PLCXD3: variants seen among roughly 807,000 people sequenced by gnomAD.
PLCXD3 encodes the protein PI-PLC X domain-containing protein 3.
In PLCXD3, 19 loss-of-function variants were observed where a neutral mutation model predicts 25.5. The ratio of observed to expected loss-of-function variants is 0.75; its 90% confidence interval spans 0.52 to 1.09. The LOEUF (loss-of-function observed/expected upper bound fraction) is 1.09, where lower values mean the gene tolerates loss of function less well. Among genes scored for constraint, PLCXD3 ranks in the 50% least tolerant of loss-of-function variants. The pLI, the probability that PLCXD3 is intolerant of heterozygous loss-of-function variation, is 0.00. For missense variants in PLCXD3, 411 were observed against 388.1 expected, an observed-to-expected ratio of 1.06 and a Z score of -0.50; for synonymous variants, 174 against 137.6, an observed-to-expected ratio of 1.26 and a Z score of -1.85.
At chr5:41,362,855 C>A (rs1005365590) in intron 2 of PLCXD3, among the ~76,000 whole-genome samples, 2 of 144,356 alleles carry the variant, frequency 1.4e-5, no homozygotes, top group Non-Finnish European at 3.0e-5. Flanking sequence ...TAATCAACTA[C>A]CAGTAACAAG....
rs565057715 is a variant in PLCXD3, at chr5:41,411,779, G to A, written c.104-29245C>T. On this transcript the variant is annotated intron_variant, in intron 1 of 2. Transcript: ENST00000377801. Reference sequence around the variant, plus strand: ...TATAATTTATAATATTTTTATAATAGTTTTGGTCATATAGAGTATTGATCA... The same window carrying A: ...TATAATTTATAATATTTTTATAATAATTTTGGTCATATAGAGTATTGATCA... 1.5e-4 allele frequency among the ~76,000 whole-genome samples: 23 copies of A among 148,392 alleles called. No individual in the cohort carries two copies. In the East Asian group the frequency reaches 4.1e-3, roughly 27 times the overall value.
chr5:41,377,857 A>C (rs1464768934), intron 2 of PLCXD3, among the ~76,000 whole-genome samples: 1 of 152,110 alleles, frequency 6.6e-6, no homozygotes, highest in African/African-American at 2.4e-5. Flanking sequence ...TTGGAACTGT[A>C]GGATTTACAA....
At chr5:41,475,425 C>T (rs1359133476) in intron 1 of PLCXD3, among the ~76,000 whole-genome samples, 1 of 152,194 alleles carries the variant, frequency 6.6e-6, no homozygotes, top group Non-Finnish European at 1.5e-5. Flanking sequence ...TTGCTAGTCT[C>T]TGCTAGTCTT....
chr5:41,376,692 C>G (rs768474347), intron 2 of PLCXD3, among the ~76,000 whole-genome samples: 33 of 152,256 alleles, frequency 2.2e-4, no homozygotes, highest in Non-Finnish European at 3.8e-4. Flanking sequence ...TCTCTCTCCT[C>G]TAAGTTACCA....
intron 2 of PLCXD3, among the ~76,000 whole-genome samples, chr5:41,327,105 C>A (rs532139464): frequency 1.2e-4 from 18 of 152,008 alleles, no homozygotes; most frequent in Non-Finnish European, 2.5e-4. Context: ...TGCCTAGGCC[C>A]TCTTAAGATA....
At chr5:41,439,059 G>T (rs914824847) in intron 1 of PLCXD3, among the ~76,000 whole-genome samples, 1 of 152,098 alleles carries the variant, frequency 6.6e-6, no homozygotes, top group Non-Finnish European at 1.5e-5. Context: ...CGTAGTTTAC[G>T]GTGGAGCTCA....
intron 2 of PLCXD3, among the ~76,000 whole-genome samples, chr5:41,351,550 C>T (rs1163660848): frequency 1.3e-5 from 2 of 152,130 alleles, no homozygotes; most frequent in African/African-American, 4.8e-5. Context: ...AAAAAAACCG[C>T]TGAACTGAAA....
intron 2 of PLCXD3, among the ~76,000 whole-genome samples, chr5:41,318,113 G>A (rs1202018638): frequency 3.3e-5 from 5 of 152,072 alleles, no homozygotes; most frequent in Non-Finnish European, 7.4e-5. Flanking sequence ...AAACATGAAG[G>A]AGAAATAGAC....
At chr5:41,369,062 A>G (rs375593751) in intron 2 of PLCXD3, among the ~76,000 whole-genome samples, 1 of 152,168 alleles carries the variant, frequency 6.6e-6, no homozygotes, top group East Asian at 1.9e-4. Context: ...AAGTATATGT[A>G]TACAGTGGCA....
rs947395865 is a variant in PLCXD3 at position 41,452,425 on chromosome 5, T to C, written c.103+57999A>G. Among the ~76,000 whole-genome samples the C allele has an allele frequency of 7.9e-5, 12 of 152,114 alleles. No homozygotes were observed. In the South Asian group the frequency reaches 1.9e-3, roughly 24 times the overall value. On this transcript the variant is annotated intron_variant, in intron 1 of 2. Coordinates refer to ENST00000377801, the MANE Select transcript of PLCXD3 (RefSeq NM_001005473.3). ...ATAAGCAGAGACTATAAGGCTTTCATCCAGGGAAGCCCCTAAAATGAACAG... is the reference window on the plus strand; with the variant it reads ...ATAAGCAGAGACTATAAGGCTTTCACCCAGGGAAGCCCCTAAAATGAACAG...
chr5:41,430,738 C>T (rs1438814099), intron 1 of PLCXD3, among the ~76,000 whole-genome samples: 2 of 151,992 alleles, frequency 1.3e-5, no homozygotes, highest in Non-Finnish European at 2.9e-5. Context: ...TTAGCGCTGG[C>T]ATAATTTGAG....
chr5:41,408,292 T>C (rs971953406), intron 1 of PLCXD3, among the ~76,000 whole-genome samples: 2 of 152,226 alleles, frequency 1.3e-5, no homozygotes, highest in African/African-American at 4.8e-5. Context: ...ATTAAGGTAA[T>C]ACAGACATCT....
intron 2 of PLCXD3, among the ~76,000 whole-genome samples, chr5:41,341,348 C>T (rs547252850): frequency 5.3e-5 from 8 of 152,264 alleles, no homozygotes; most frequent in South Asian, 2.1e-4. Context: ...ACCTAAATCA[C>T]GTCTACAAAT....
At chr5:41,351,249 G>A (rs1580318051) in intron 2 of PLCXD3, among the ~76,000 whole-genome samples, 1 of 152,132 alleles carries the variant, frequency 6.6e-6, no homozygotes, top group South Asian at 2.1e-4. Flanking sequence ...CTTTCATCAT[G>A]CCACACACCT....
intron 2 of PLCXD3, among the ~76,000 whole-genome samples, chr5:41,346,019 A>C (rs1472120687): frequency 6.6e-6 from 1 of 152,160 alleles, no homozygotes; most frequent in African/African-American, 2.4e-5. Flanking sequence ...AGCTGGGACT[A>C]CAGGCACCCA....
intron 2 of PLCXD3, among the ~76,000 whole-genome samples, chr5:41,329,490 C>G (rs1743726912): frequency 1.3e-5 from 2 of 152,188 alleles, no homozygotes; most frequent in South Asian, 2.1e-4. Context: ...GAAGTATATG[C>G]AGTAACATAA....
chr5:41,353,856 C>G (rs1744541918), intron 2 of PLCXD3, among the ~76,000 whole-genome samples: 1 of 152,156 alleles, frequency 6.6e-6, no homozygotes, highest in Non-Finnish European at 1.5e-5. Flanking sequence ...CTGTGGGTAT[C>G]AATGACTCTG....
chr5:41,454,801 T>G (rs1747716155), intron 1 of PLCXD3, among the ~76,000 whole-genome samples: 1 of 151,836 alleles, frequency 6.6e-6, no homozygotes, highest in Non-Finnish European at 1.5e-5. Context: ...AGAAACCAAT[T>G]GTATTAGTCT....
At chr5:41,468,075 T>C (rs761656753) in intron 1 of PLCXD3, among the ~76,000 whole-genome samples, 9 of 138,162 alleles carry the variant, frequency 6.5e-5, no homozygotes, top group South Asian at 2.3e-4. Flanking sequence ...TGGAGTGCAA[T>C]TGCATGATCT....
Sources: allele counts gnomAD v4.1 joint callset (sites outside exome capture counted in the v4.1 genomes callset), GRCh38; gene constraint gnomAD v4.1.1; transcripts MANE v1.5; gene names NCBI Gene and HGNC (gene_info 2026-07-23, HGNC 2026-07-21).